RBL1: variants seen among roughly 807,000 people sequenced by gnomAD.
The protein encoded by RBL1 is retinoblastoma-like protein 1.
In RBL1, 82 loss-of-function variants were observed where a neutral mutation model predicts 123.0. That is an observed-to-expected ratio of 0.67 (90% CI 0.56 to 0.80). RBL1 has a LOEUF of 0.80. Among genes scored for constraint, RBL1 ranks in the 30% least tolerant of loss-of-function variants. The probability of loss-of-function intolerance (pLI) is 0.00; values close to 1 mark genes in which losing one functional copy is unlikely to be tolerated. For missense variants in RBL1, 1,171 were observed against 1,299.6 expected (o/e 0.90, Z 1.52); for synonymous variants, 405 against 441.3 (o/e 0.92, Z 1.03).
intron 1 of RBL1, among the ~76,000 whole-genome samples, chr20:37,089,635 T>G (rs972715598): frequency 2.0e-5 from 3 of 150,110 alleles, no homozygotes; most frequent in Non-Finnish European, 4.4e-5. Flanking sequence ...CTGAGCGAGA[T>G]CCTGTCTCTT....
chr20:37,021,856 CT>C (rs1412702036), intron 17 of RBL1: 3 of 184,160 alleles, frequency 1.6e-5, no homozygotes, highest in Non-Finnish European at 3.5e-5. Flanking sequence ...GTCCTGGTAA[CT>C]AGTGTCTTTC....
chr20:36,999,102 T>C (rs143795354), intron 21 of RBL1, among the ~76,000 whole-genome samples, 173 bp from the exon 22 acceptor site: 189 of 152,284 alleles, frequency 1.2e-3, no homozygotes, highest in African/African-American at 4.4e-3. Flanking sequence ...TGAACTAATC[T>C]TTTCAGGTGG....
chr20:37,088,190 A>G (rs1407108843), intron 2 of RBL1, among the ~76,000 whole-genome samples: 1 of 151,502 alleles, frequency 6.6e-6, no homozygotes, highest in Non-Finnish European at 1.5e-5. Flanking sequence ...GCTTGAACCC[A>G]GGAGGCAGAG....
chr20:37,015,403 T>A (rs2064233367), intron 19 of RBL1, among the ~76,000 whole-genome samples: 1 of 151,788 alleles, frequency 6.6e-6, no homozygotes, highest in African/African-American at 2.4e-5. Context: ...GCAACATGTA[T>A]AACAAATATA....
intron 9 of RBL1, among the ~76,000 whole-genome samples, chr20:37,060,872 C>A (rs1395036723): frequency 2.0e-5 from 3 of 152,102 alleles, no homozygotes; most frequent in African/African-American, 7.2e-5. Context: ...AACTAGCTTC[C>A]CAAGTAGCTG....
chr20:37,034,629 G>A (rs2064571914), intron 15 of RBL1, among the ~76,000 whole-genome samples: 2 of 152,028 alleles, frequency 1.3e-5, no homozygotes, highest in South Asian at 2.1e-4. Context: ...GTTGCAGTGA[G>A]ATGAGATCAT....
At chr20:37,065,636 C>CT (rs977260616) in intron 6 of RBL1, among the ~76,000 whole-genome samples, 163 bp from the exon 7 acceptor site, 23 of 148,020 alleles carry the variant, frequency 1.6e-4, no homozygotes, top group Admixed American at 4.8e-4. Flanking sequence ...ATGCAAATAA[C>CT]TTTTTTTTTT....
intron 16 of RBL1, among the ~76,000 whole-genome samples, chr20:37,026,008 G>A (rs8122292): frequency 0.18 from 27,763 of 152,020 alleles, 2,651 homozygotes; most frequent in Non-Finnish European, 0.21. Flanking sequence ...CTCCCAAAGT[G>A]CTAGGATTAT....
intron 9 of RBL1, among the ~76,000 whole-genome samples, chr20:37,058,780 T>G (rs2065052329): frequency 6.6e-6 from 1 of 151,772 alleles, no homozygotes; most frequent in Admixed American, 6.6e-5. Context: ...TTTTTTTTGT[T>G]GAGATAGGGT....
intron 15 of RBL1, 142 bp from the exon 16 acceptor site, chr20:37,033,018 CTTT>C (rs11311040): frequency 0.019 from 16,918 of 885,432 alleles, no homozygotes; most frequent in Middle Eastern, 0.027. Context: ...TGACTGAATT[CTTT>C]TTTTTTTTTT....
At chr20:37,078,588 G>C (rs2065400047) in intron 2 of RBL1, among the ~76,000 whole-genome samples, 1 of 152,172 alleles carries the variant, frequency 6.6e-6, no homozygotes, top group Admixed American at 6.5e-5. Flanking sequence ...AGATGCATCA[G>C]AGAAAACACG....
At chr20:37,023,375 A>G (rs2064373173) in intron 16 of RBL1, among the ~76,000 whole-genome samples, 1 of 152,170 alleles carries the variant, frequency 6.6e-6, no homozygotes, top group South Asian at 2.1e-4. Context: ...CATGCACTGC[A>G]GCCTCCCAAA....
At chr20:37,041,658 GA>G (rs1350271860) in intron 13 of RBL1, among the ~76,000 whole-genome samples, 1 of 152,048 alleles carries the variant, frequency 6.6e-6, no homozygotes, top group Non-Finnish European at 1.5e-5. Flanking sequence ...TACCACCAAT[GA>G]AAAGTGTTCA....
intron 20 of RBL1, 84 bp downstream of exon 20, chr20:37,007,327 G>T: frequency 1.4e-6 from 2 of 1,423,158 alleles, no homozygotes; most frequent in Non-Finnish European, 1.9e-6. Flanking sequence ...AATTTTACTT[G>T]GACATATTTA....
At chr20:37,004,330 C>T (rs1171773563) in intron 20 of RBL1, among the ~76,000 whole-genome samples, 2 of 151,324 alleles carry the variant, frequency 1.3e-5, no homozygotes, top group African/African-American at 2.4e-5. Context: ...GATCCACCCA[C>T]CTTGGCCTCC....
intron 19 of RBL1, 60 bp from the exon 20 acceptor site, chr20:37,007,619 G>A: frequency 6.5e-7 from 1 of 1,537,630 alleles, no homozygotes; most frequent in South Asian, 1.2e-5. Context: ...TTGAGACAGG[G>A]TCTCACTTTG....
chr20:37,009,429 A>AT (rs5841247), intron 19 of RBL1, among the ~76,000 whole-genome samples: 44,461 of 152,004 alleles, frequency 0.29, 7,872 homozygotes, highest in African/African-American at 0.49. Context: ...AATTAAAATT[A>AT]TTTTTTTGTT....
chr20:37,031,461 T>C (rs2064509558), intron 16 of RBL1, among the ~76,000 whole-genome samples: 1 of 152,180 alleles, frequency 6.6e-6, no homozygotes, highest in African/African-American at 2.4e-5. Flanking sequence ...ATATTACTAA[T>C]CATTAGGGAA....
intron 9 of RBL1, among the ~76,000 whole-genome samples, chr20:37,056,838 TTA>T (rs2065015794): frequency 6.6e-6 from 1 of 152,188 alleles, no homozygotes; most frequent in South Asian, 2.1e-4. Flanking sequence ...ACTATGTACC[TTA>T]TATGAGTGGA....
Sources: allele counts gnomAD v4.1 joint callset (sites outside exome capture counted in the v4.1 genomes callset), GRCh38; gene constraint gnomAD v4.1.1; transcripts MANE v1.5; gene names NCBI Gene and HGNC (gene_info 2026-07-23, HGNC 2026-07-21).